Variants in ALDH4A1 observed in about 807,000 individuals in gnomAD.
ALDH4A1 encodes the protein aldehyde dehydrogenase 4 family member A1, also known as delta-1-pyrroline-5-carboxylate dehydrogenase, mitochondrial.
Under a neutral mutation model 70.5 loss-of-function variants are expected in ALDH4A1, and 46 were observed. The observed-to-expected ratio is 0.65, with a 90% confidence interval of 0.51 to 0.83. The LOEUF is 0.83. ALDH4A1 is among the 40% of genes least tolerant of loss of function. The probability of loss-of-function intolerance (pLI) is 0.00; values close to 1 mark genes in which losing one functional copy is unlikely to be tolerated. For synonymous variants in ALDH4A1, 323 were observed against 324.3 expected (o/e 1.00, Z 0.04); for missense variants, 749 against 766.5 (o/e 0.98, Z 0.27).
chr1:18,872,133 G>A lies in ALDH4A1; in HGVS notation c.*712C>T, dbSNP rs14311. On this transcript the variant is annotated 3_prime_UTR_variant, in exon 15 of 15. Coordinates refer to ENST00000375341, the MANE Select transcript of ALDH4A1 (RefSeq NM_003748.4). ...CCCATCCAAGGTTTTCCAGAATCAC[G>A]GCCTAAACCGGCAGGACCATCCCAT... 38,218 of 152,444 alleles carry A rather than the reference G, an allele frequency of 0.25. 4,995 individuals carry two copies. The highest frequency in any genetic ancestry group is 0.3 in the Middle Eastern group (90 of 296). The allele number at this position is 152,444 out of a possible 1,614,324, so 9.4% of individuals were successfully genotyped here.
chr1:18,889,281 C>A, intron 3 of ALDH4A1, 81 bp downstream of exon 3: 1 of 1,312,416 alleles, frequency 7.6e-7, no homozygotes, highest in Non-Finnish European at 1.1e-6. Flanking sequence ...AGAGCCCACA[C>A]ATTATAAGCT....
In ALDH4A1 at chr1:18,880,285, A is replaced by G. The variant is rs1053258987; in HGVS notation, c.867-912T>C. Among the ~76,000 whole-genome samples the G allele has an allele frequency of 1.3e-5, 2 of 152,086 alleles. No homozygotes were observed. Among genetic ancestry groups the G allele is most frequent in the African/African-American group, 4.8e-5 (2 of 41,422 alleles). On this transcript the variant is annotated intron_variant, in intron 8 of 14. Transcript: ENST00000375341. The surrounding 1 kb of genome is among the most constrained non-coding windows in gnomAD (Gnocchi z 5.1). Reference sequence around the variant, plus strand: ...GCTGCCTCCAGGCATCTCCACCCAGATAACACCCGAAGTGACCAACAGGAG... The same window carrying G: ...GCTGCCTCCAGGCATCTCCACCCAGGTAACACCCGAAGTGACCAACAGGAG...
chr1:18,882,208 G>A lies in ALDH4A1; in HGVS notation c.679-321C>T, dbSNP rs75918766. Among the ~76,000 whole-genome samples, 779 of 152,328 alleles carry A rather than the reference G, an allele frequency of 5.1e-3. 7 individuals are homozygous for A. Among genetic ancestry groups the A allele is most frequent in the East Asian group, 0.039 (200 of 5,184 alleles). Reference sequence around the variant, plus strand: ...TAGAGTCACTGAGTGCTCACCGGGCGCGGCGGGGCAAGTACACACGGGCTC... The same window carrying A: ...TAGAGTCACTGAGTGCTCACCGGGCACGGCGGGGCAAGTACACACGGGCTC... On this transcript the variant is annotated intron_variant, in intron 7 of 14. Coordinates refer to ENST00000375341, the MANE Select transcript of ALDH4A1 (RefSeq NM_003748.4).
rs576786030 is a variant in ALDH4A1 at position 18,875,043 on chromosome 1, C to T, written c.1460+339G>A. Among the ~76,000 whole-genome samples, 17 of 152,374 alleles carry T rather than the reference C, an allele frequency of 1.1e-4. No homozygotes were observed. In the South Asian group the frequency reaches 3.3e-3, roughly 30 times the overall value. On this transcript the variant is annotated intron_variant, in intron 13 of 14. Coordinates refer to ENST00000375341, the MANE Select transcript of ALDH4A1 (RefSeq NM_003748.4). ...GAATCCTGCCTCTGCAGCCCCTGGC[C>T]TGCCCTGCTTTGTAGCATGGGACAA...
Position 18,885,509 on chromosome 1 carries a change from G to A in ALDH4A1, c.417C>T (p.Arg139=). 1 of 1,429,834 alleles carries A rather than the reference G, an allele frequency of 7.0e-7. No homozygotes were observed. Among genetic ancestry groups the A allele is most frequent in the Non-Finnish European group, 9.3e-7 (1 of 1,072,740 alleles). The allele number at this position is 1,429,834 out of a possible 1,614,324, so 88.6% of individuals were successfully genotyped here. ...LKAADMLSGP[R]RAEILAKTMV... is the part of the protein sequence containing the mutation. ...TGGTCTTGGCGAGGATCTCAGCCCT[G>A]CGCGGCCCACTCAGCATGTCTGCCG... The change falls in exon 5 of 15, where the codon CGC becomes CGT. Residue 139 remains arginine, a synonymous_variant. Coordinates refer to ENST00000375341, the MANE Select transcript of ALDH4A1 (RefSeq NM_003748.4).
chr1:18,876,246 G>T, intron 12 of ALDH4A1, 69 bp downstream of exon 12: 2 of 1,576,630 alleles, frequency 1.3e-6, no homozygotes, highest in Non-Finnish European at 8.7e-7. Context: ...GTCTCCAGGA[G>T]AACTGTGTGT....
chr1:18,874,554 C>A lies in ALDH4A1; in HGVS notation c.1488G>T (p.Val496=), dbSNP rs780190351. 1 of 1,614,224 alleles carries A rather than the reference C, an allele frequency of 6.2e-7. No homozygotes were observed. Among genetic ancestry groups the A allele is most frequent in the Non-Finnish European group, 8.5e-7 (1 of 1,180,024 alleles). The change falls in exon 14 of 15, where the codon GTG becomes GTT. Residue 496 remains valine (V), a synonymous_variant. Coordinates refer to ENST00000375341, the MANE Select transcript of ALDH4A1 (RefSeq NM_003748.4). ...DKDVVQEATK[V]LRNAAGNFYI... ...AGAAGTTGCCGGCAGCATTCCTCAG[C>A]ACCTTTGTGGCCTCCTGCACGACGT... is the stretch of plus-strand genomic sequence containing the variant.
At chr1:18,901,917 C>G (rs1365770295) in intron 1 of ALDH4A1, among the ~76,000 whole-genome samples, 1 of 138,282 alleles carries the variant, frequency 7.2e-6, no homozygotes, top group Admixed American at 7.2e-5. Context: ...TTTTTCTGTC[C>G]AACATTTAAC....
chr1:18,875,320 G>C, intron 13 of ALDH4A1, 62 bp downstream of exon 13: 1 of 1,612,474 alleles, frequency 6.2e-7, no homozygotes, highest in East Asian at 2.2e-5. Context: ...CCAGGAGGTG[G>C]GGATGGGGAC....
chr1:18,885,948 G>A (rs1290955310), intron 4 of ALDH4A1, among the ~76,000 whole-genome samples: 2 of 152,166 alleles, frequency 1.3e-5, no homozygotes, highest in African/African-American at 4.8e-5. Context: ...CTTGGGACCT[G>A]GTGCCCCTTA....
Position 18,883,364 on chromosome 1 carries a change from T to C in ALDH4A1, c.518A>G (p.Asn173Ser). The change falls in exon 6 of 15, where the codon AAT becomes AGT. Residue 173 changes from asparagine to serine, a missense_variant. Asn to Ser is a conservative substitution (Grantham distance 46). Transcript: ENST00000375341. ...CTCCAGCTCCACCGCATACTTGGCA[T>C]TGAACCGGAAGAAGTCGATGAGTTC... is the stretch of plus-strand genomic sequence containing the variant. ...AAELIDFFRF[N>S]AKYAVELEGQ... 1.9e-6 allele frequency: 3 copies of C among 1,613,484 alleles called. No homozygotes were observed. The highest frequency in any genetic ancestry group is 1.3e-5 in the African/African-American group (1 of 75,074).
rs778225599 is a variant in ALDH4A1 at position 18,890,101 on chromosome 1, G to A, written c.67C>T (p.Arg23Trp). ...TTCAGGGAGGAGGTGTGCTTCCACC[G>A]CAGGCTGGAACACAAGGGCAGGGGA... is the stretch of plus-strand genomic sequence containing the variant. ...LSRPWTGAGL[R>W]WKHTSSLKVA... Residue 23 changes from arginine (R) to tryptophan (W), a missense_variant, in exon 2 of 15, where the codon CGG becomes TGG. Arg to Trp is a moderately radical substitution (Grantham distance 101, BLOSUM62 -3). Coordinates refer to ENST00000375341, the MANE Select transcript of ALDH4A1 (RefSeq NM_003748.4). The A allele has an allele frequency of 5.5e-5, 89 of 1,610,386 alleles. No homozygotes were observed. The highest frequency in any genetic ancestry group is 2.9e-4 in the East Asian group (13 of 44,822).
At chr1:18,876,534 C>T in intron 11 of ALDH4A1, 67 bp from the exon 12 acceptor site, 3 of 1,501,048 alleles carry the variant, frequency 2.0e-6, no homozygotes, top group Non-Finnish European at 2.7e-6. Context: ...GCCCCCACAA[C>T]ACACTCACCC....
At chr1:18,891,750 C>T (rs1935438279) in intron 1 of ALDH4A1, among the ~76,000 whole-genome samples, 3 of 152,088 alleles carry the variant, frequency 2.0e-5, no homozygotes, top group South Asian at 2.1e-4. Flanking sequence ...AGAGAAGGCC[C>T]GGCATGGTGG....
At chr1:18,885,712 G>A (rs1935175055) in intron 4 of ALDH4A1, 84 bp from the exon 5 acceptor site, 3 of 1,577,828 alleles carry the variant, frequency 1.9e-6, no homozygotes, top group Non-Finnish European at 2.6e-6. Flanking sequence ...AGACCTGGGA[G>A]GCCACTCTCT....
intron 2 of ALDH4A1, 29 bp downstream of exon 2, chr1:18,889,983 C>T (rs1424743337): frequency 6.4e-7 from 1 of 1,555,094 alleles, no homozygotes; most frequent in South Asian, 1.2e-5. Context: ...TGCCCTGCAC[C>T]TCTCGGGTGC....
At chr1:18,895,919 G>A (rs1200602308) in intron 1 of ALDH4A1, among the ~76,000 whole-genome samples, 1 of 152,214 alleles carries the variant, frequency 6.6e-6, no homozygotes, top group African/African-American at 2.4e-5. Flanking sequence ...GGAGCTCAGT[G>A]AGAAACTACT....
intron 9 of ALDH4A1, among the ~76,000 whole-genome samples, chr1:18,878,682 C>T (rs1385579033): frequency 6.6e-6 from 1 of 152,184 alleles, no homozygotes; most frequent in African/African-American, 2.4e-5. Flanking sequence ...AGACCTTGTC[C>T]TTGAAGATGT....
intron 4 of ALDH4A1, 55 bp downstream of exon 4, chr1:18,886,409 C>A (rs1374370004): frequency 1.3e-6 from 2 of 1,584,922 alleles, no homozygotes; most frequent in African/African-American, 2.7e-5. Context: ...GCTGGCAGGG[C>A]AGAGCAGGGG....
Sources: gnomAD v4.1 joint callset for allele counts (sites outside exome capture counted in the v4.1 genomes callset) on GRCh38, gnomAD v4.1.1 for gene constraint, Gnocchi (gnomAD v3.1) non-coding constraint, MANE v1.5 for transcripts, NCBI Gene and HGNC (gene_info 2026-07-23, HGNC 2026-07-21) for gene names.